KCTD8: variants seen among roughly 807,000 people sequenced by gnomAD.
The protein encoded by KCTD8 is potassium channel tetramerization domain containing 8.
A neutral mutation model predicts 31.5 loss-of-function variants in KCTD8; 27 were observed. The ratio of observed to expected loss-of-function variants is 0.86; its 90% CI spans 0.63 to 1.18. The LOEUF (loss-of-function observed/expected upper bound fraction) is 1.18, where lower values mean the gene tolerates loss of function less well. KCTD8 is among the 50% of genes most tolerant of loss of function. The pLI is 0.00. For missense variants in KCTD8, 658 were observed against 647.7 expected, an observed-to-expected ratio of 1.02 and a Z score of -0.17; for synonymous variants, 290 against 280.0, an observed-to-expected ratio of 1.04 and a Z score of -0.36.
intron 1 of KCTD8, among the ~76,000 whole-genome samples, chr4:44,421,472 G>A (rs968482867): frequency 6.6e-6 from 1 of 152,070 alleles, no homozygotes; most frequent in Non-Finnish European, 1.5e-5. Flanking sequence ...ATCTCTTGCA[G>A]AGCCCAGACA....
At chr4:44,295,241 A>T (rs1717393975) in intron 1 of KCTD8, among the ~76,000 whole-genome samples, 1 of 152,182 alleles carries the variant, frequency 6.6e-6, no homozygotes, top group Non-Finnish European at 1.5e-5. Flanking sequence ...GGCCTCAGTG[A>T]GCTATGACTG....
chr4:44,430,327 G>A (rs1721443054), intron 1 of KCTD8, among the ~76,000 whole-genome samples: 1 of 151,628 alleles, frequency 6.6e-6, no homozygotes, highest in Non-Finnish European at 1.5e-5. Flanking sequence ...ATTTCCAGGA[G>A]TGTCACTGCA....
At chr4:44,250,011 G>A (rs565400445) in intron 1 of KCTD8, among the ~76,000 whole-genome samples, 71 of 151,804 alleles carry the variant, frequency 4.7e-4, no homozygotes, top group African/African-American at 1.6e-3. Flanking sequence ...AAATGGTGTC[G>A]ATTTTGTAGA....
At chr4:44,191,475 T>C (rs1304163260) in intron 1 of KCTD8, among the ~76,000 whole-genome samples, 1 of 152,170 alleles carries the variant, frequency 6.6e-6, no homozygotes, top group Non-Finnish European at 1.5e-5. Flanking sequence ...GCAGAGAGCC[T>C]ATAAATGGAT....
intron 1 of KCTD8, among the ~76,000 whole-genome samples, chr4:44,245,912 AT>A (rs1195900628): frequency 6.6e-5 from 10 of 152,024 alleles, no homozygotes; most frequent in South Asian, 2.1e-4. Context: ...AATACTCTCA[AT>A]TTTTTTATAA....
chr4:44,212,696 T>C (rs7676757), intron 1 of KCTD8, among the ~76,000 whole-genome samples: 1,842 of 152,292 alleles, frequency 0.012, 45 homozygotes, highest in African/African-American at 0.042. Flanking sequence ...TTTTCCATTC[T>C]TTTACACTCA....
chr4:44,378,419 C>T (rs1719973669), intron 1 of KCTD8, among the ~76,000 whole-genome samples: 1 of 151,088 alleles, frequency 6.6e-6, no homozygotes, highest in African/African-American at 2.4e-5. Context: ...TGTAACAAAC[C>T]TGCACGTTGT....
chr4:44,380,532 A>T (rs1235851022), intron 1 of KCTD8, among the ~76,000 whole-genome samples: 1 of 151,682 alleles, frequency 6.6e-6, no homozygotes, highest in Non-Finnish European at 1.5e-5. Context: ...AAATAATTTT[A>T]ATTATTAATT....
chr4:44,439,743 A>G (rs1425191393), intron 1 of KCTD8, among the ~76,000 whole-genome samples: 1 of 152,064 alleles, frequency 6.6e-6, no homozygotes, highest in Non-Finnish European at 1.5e-5. Flanking sequence ...AGCCTATGTC[A>G]GGAGGCAATA....
chr4:44,430,197 A>G (rs1315508520), intron 1 of KCTD8, among the ~76,000 whole-genome samples: 1 of 151,730 alleles, frequency 6.6e-6, no homozygotes, highest in Admixed American at 6.6e-5. Context: ...GACTTCCTCA[A>G]ATGGTTCTAG....
At chr4:44,384,196 A>C (rs2109444993) in intron 1 of KCTD8, among the ~76,000 whole-genome samples, 1 of 152,020 alleles carries the variant, frequency 6.6e-6, no homozygotes, top group Non-Finnish European at 1.5e-5. Context: ...GGAAAAGAGA[A>C]CTCTTATACA....
At chr4:44,339,049 T>C (rs147307711) in intron 1 of KCTD8, among the ~76,000 whole-genome samples, 1 of 152,308 alleles carries the variant, frequency 6.6e-6, no homozygotes, top group East Asian at 1.9e-4. Context: ...CCACACGTAA[T>C]ATAGAAATTT....
chr4:44,333,303 G>T (rs2109413636), intron 1 of KCTD8, among the ~76,000 whole-genome samples: 1 of 152,192 alleles, frequency 6.6e-6, no homozygotes, highest in Middle Eastern at 3.4e-3. Context: ...ATAGCAGGCT[G>T]TATAAAGAAT....
In KCTD8 at chr4:44,377,136, G is replaced by A. The variant is rs1719936007; in HGVS notation, c.961+70427C>T. Among the ~76,000 whole-genome samples, 3 of 152,092 alleles carry A rather than the reference G, an allele frequency of 2.0e-5. No individual in the cohort carries two copies. In the South Asian group the frequency reaches 6.2e-4, roughly 32 times the overall value. On this transcript the variant is annotated intron_variant, in intron 1 of 1. Transcript: ENST00000360029. Reference sequence around the variant, plus strand: ...ACAAATAAGCAGTCTTAACAACCTGGAGGCAACACTGGAATTTAGAATTCT... The same window carrying A: ...ACAAATAAGCAGTCTTAACAACCTGAAGGCAACACTGGAATTTAGAATTCT...
At chr4:44,360,771 A>G (rs944876397) in intron 1 of KCTD8, among the ~76,000 whole-genome samples, 7 of 152,032 alleles carry the variant, frequency 4.6e-5, no homozygotes, top group Non-Finnish European at 5.9e-5. Context: ...ACAGCCAACA[A>G]TTCTTTAAAT....
intron 1 of KCTD8, among the ~76,000 whole-genome samples, chr4:44,251,883 G>A (rs770153337): frequency 6.6e-6 from 1 of 151,128 alleles, no homozygotes; most frequent in Non-Finnish European, 1.5e-5. Flanking sequence ...TATTTCAATA[G>A]GTTTTGGGGG....
chr4:44,187,631 G>C (rs1713627000), intron 1 of KCTD8, among the ~76,000 whole-genome samples: 1 of 152,054 alleles, frequency 6.6e-6, no homozygotes, highest in Non-Finnish European at 1.5e-5. Flanking sequence ...TGATTTATTT[G>C]GTTTTCTAAT....
intron 1 of KCTD8, among the ~76,000 whole-genome samples, chr4:44,353,502 T>C (rs1337616254): frequency 6.6e-6 from 1 of 152,094 alleles, no homozygotes; most frequent in East Asian, 1.9e-4. Flanking sequence ...TATCTTTAAA[T>C]ATACACTAAA....
chr4:44,259,255 G>A (rs536764895), intron 1 of KCTD8, among the ~76,000 whole-genome samples: 1 of 149,914 alleles, frequency 6.7e-6, no homozygotes, highest in African/African-American at 2.5e-5. Flanking sequence ...CCACATGCAA[G>A]TCAAATAAAG....
Sources: gnomAD v4.1 joint callset for allele counts (sites outside exome capture counted in the v4.1 genomes callset) on GRCh38, gnomAD v4.1.1 for gene constraint, MANE v1.5 for transcripts, NCBI Gene and HGNC (gene_info 2026-07-23, HGNC 2026-07-21) for gene names.